The following METTL16 variants were observed in gnomAD, a reference collection of about 807,000 sequenced individuals.
The protein encoded by METTL16 is RNA N(6)-adenosine-methyltransferase METTL16.
A neutral mutation model predicts 57.9 loss-of-function variants in METTL16; 19 were observed. That is an observed-to-expected ratio of 0.33 (90% CI 0.23 to 0.48). METTL16 has a LOEUF of 0.48. Among genes scored for constraint, METTL16 ranks in the 20% least tolerant of loss-of-function variants. The pLI, the probability that METTL16 is intolerant of heterozygous loss-of-function variation, is 0.99. For synonymous variants in METTL16, 246 were observed against 255.6 expected, an observed-to-expected ratio of 0.96 and a Z score of 0.36; for missense variants, 434 against 691.5, an observed-to-expected ratio of 0.63 and a Z score of 4.18.
In METTL16 at chr17:2,419,830, G is replaced by C; in HGVS notation, c.*140C>G. On this transcript the variant is annotated 3_prime_UTR_variant, in exon 10 of 10. Coordinates refer to ENST00000263092, the MANE Select transcript of METTL16 (RefSeq NM_024086.4). Reference sequence around the variant, plus strand: ...GGGAAGGAGGCGGGGGGAGGTGGGGGACAGATTCATAGGTTTTTGTTTTCG... The same window carrying C: ...GGGAAGGAGGCGGGGGGAGGTGGGGCACAGATTCATAGGTTTTTGTTTTCG... 1 of 1,031,626 alleles carries C rather than the reference G, an allele frequency of 9.7e-7. No homozygotes were observed. The highest frequency in any genetic ancestry group is 1.5e-6 in the Non-Finnish European group (1 of 686,436). The allele number at this position is 1,031,626 out of a possible 1,614,324, so 63.9% of individuals were successfully genotyped here. A position where few individuals can be genotyped will look rare whatever the true frequency, so the allele number is the denominator to read the frequency against.
intron 2 of METTL16, among the ~76,000 whole-genome samples, chr17:2,479,503 T>C (rs1253028340): frequency 2.0e-5 from 3 of 151,886 alleles, no homozygotes; most frequent in Non-Finnish European, 2.9e-5. Flanking sequence ...AGAAAGTCAG[T>C]AGATGGGGTA....
intron 8 of METTL16, among the ~76,000 whole-genome samples, chr17:2,434,698 A>C (rs2151546990): frequency 6.6e-6 from 1 of 152,318 alleles, no homozygotes; most frequent in South Asian, 2.1e-4. Context: ...AGGAGAAGGG[A>C]GCTGGGCACT....
chr17:2,434,561 T>G (rs2066896440), intron 8 of METTL16, among the ~76,000 whole-genome samples: 1 of 152,108 alleles, frequency 6.6e-6, no homozygotes, highest in Non-Finnish European at 1.5e-5. Context: ...AATCAACACA[T>G]AATAATGATA....
intron 1 of METTL16, among the ~76,000 whole-genome samples, chr17:2,504,784 T>C (rs569900551): frequency 1.4e-4 from 22 of 152,194 alleles, no homozygotes; most frequent in South Asian, 8.3e-4. Context: ...GTTGCCCAGA[T>C]TGGTTTCCGA....
rs34249994 is a variant in METTL16, at chr17:2,426,981, G to GA, written c.889-6078dup. ...GAAACCCCATCTCTACTAAAAATAC[G>GA]AAAAAAAAAAAAAGAGCCGGGCATG... On this transcript the variant is annotated intron_variant, in intron 8 of 9. Coordinates refer to ENST00000263092, the MANE Select transcript of METTL16 (RefSeq NM_024086.4). Among the ~76,000 whole-genome samples, 55 of 142,016 alleles carry GA rather than the reference G, an allele frequency of 3.9e-4. 1 individual carries two copies. Among genetic ancestry groups the GA allele is most frequent in the Admixed American group, 5.6e-4 (8 of 14,212 alleles). 93.2% of individuals were successfully genotyped at this position (142,016 alleles called of 152,430 possible). A position where few individuals can be genotyped will look rare whatever the true frequency, so the allele number is the denominator to read the frequency against.
chr17:2,487,367 T>A (rs1459293227), intron 2 of METTL16, among the ~76,000 whole-genome samples: 1 of 152,174 alleles, frequency 6.6e-6, no homozygotes, highest in Non-Finnish European at 1.5e-5. Flanking sequence ...CTGGCACGGA[T>A]AACAGCGATG....
At chr17:2,447,639 C>T (rs1597448152) in intron 6 of METTL16, among the ~76,000 whole-genome samples, 6 of 125,170 alleles carry the variant, frequency 4.8e-5, no homozygotes, top group East Asian at 2.3e-4. Flanking sequence ...CGCCTCTGCC[C>T]GGCCGCCCCT....
chr17:2,440,833 A>T (rs1597444671), intron 7 of METTL16, among the ~76,000 whole-genome samples: 1 of 151,936 alleles, frequency 6.6e-6, no homozygotes, highest in Non-Finnish European at 1.5e-5. Context: ...TTAGCTAGGC[A>T]TGGTGCCATC....
chr17:2,474,386 GA>G (rs752477163), intron 3 of METTL16, among the ~76,000 whole-genome samples: 10,451 of 60,372 alleles, frequency 0.17, 1,092 homozygotes, highest in African/African-American at 0.38. Context: ...GAAACAAAAA[GA>G]AAAAAAAAAA....
chr17:2,493,129 CTTTT>C (rs764351584), intron 2 of METTL16, among the ~76,000 whole-genome samples: 1 of 132,876 alleles, frequency 7.5e-6, no homozygotes, highest in Non-Finnish European at 1.6e-5. Flanking sequence ...GGTGATTCTT[CTTTT>C]TTTTTTTTTT....
Position 2,473,449 on chromosome 17 carries a change from AG to A in METTL16, c.469+74del. The A allele has an allele frequency of 2.7e-6, 4 of 1,471,218 alleles. 1 individual carries two copies. The South Asian group carries it at 5.6e-5, about 21-fold the overall frequency. The allele number at this position is 1,471,218 out of a possible 1,614,324, so 91.1% of individuals were successfully genotyped here. Reference sequence around the variant, plus strand: ...ACCGAAGTCTGTGTATTAAAGAAAAAGGTAATGAAATGCGTTAAACTAAAAA... The same window carrying A: ...ACCGAAGTCTGTGTATTAAAGAAAAAGTAATGAAATGCGTTAAACTAAAAA... On this transcript the variant is annotated intron_variant, in intron 4 of 9. Coordinates refer to ENST00000263092, the MANE Select transcript of METTL16 (RefSeq NM_024086.4).
chr17:2,497,433 C>T (rs991707234), intron 2 of METTL16, among the ~76,000 whole-genome samples: 7 of 149,998 alleles, frequency 4.7e-5, no homozygotes, highest in African/African-American at 1.5e-4. Context: ...GTGCCTCAGC[C>T]TTCTGAGTAG....
chr17:2,494,720 C>T (rs1008472511), intron 2 of METTL16, among the ~76,000 whole-genome samples: 1 of 151,850 alleles, frequency 6.6e-6, no homozygotes, highest in African/African-American at 2.4e-5. Flanking sequence ...AAAAACAAGG[C>T]CGGGCGTGGT....
intron 7 of METTL16, among the ~76,000 whole-genome samples, chr17:2,438,580 C>T (rs1340024719): frequency 6.6e-6 from 1 of 152,138 alleles, no homozygotes; most frequent in Admixed American, 6.6e-5. Context: ...TGGCTCACTG[C>T]AACCTCCACC....
intron 8 of METTL16, among the ~76,000 whole-genome samples, chr17:2,423,318 CTT>C (rs2066782640): frequency 6.8e-6 from 1 of 146,312 alleles, no homozygotes; most frequent in East Asian, 2.1e-4. Flanking sequence ...AGAACCTGCT[CTT>C]GAGAAATGAA....
chr17:2,442,059 CAGA>C (rs1376185050), intron 6 of METTL16, among the ~76,000 whole-genome samples: 1 of 152,018 alleles, frequency 6.6e-6, no homozygotes, highest in African/African-American at 2.4e-5. Context: ...AAAACAAATC[CAGA>C]AGAAGGAATG....
chr17:2,436,782 C>CCTCTCAGCACTGT (rs2066911539), intron 8 of METTL16: 1 of 152,146 alleles, frequency 6.6e-6, no homozygotes, highest in African/African-American at 2.4e-5. Flanking sequence ...TCTGTCACTG[C>CCTCTCAGCACTGT]CCGGAAAATC....
At chr17:2,488,168 A>G (rs2067357580) in intron 2 of METTL16, among the ~76,000 whole-genome samples, 2 of 152,200 alleles carry the variant, frequency 1.3e-5, no homozygotes, top group Admixed American at 1.3e-4. Context: ...CCCAACAGCC[A>G]AGAGGTGAAA....
At chr17:2,491,684 G>A (rs1473427520) in intron 2 of METTL16, among the ~76,000 whole-genome samples, 1 of 151,470 alleles carries the variant, frequency 6.6e-6, no homozygotes, top group Non-Finnish European at 1.5e-5. Context: ...GACCATCCTG[G>A]CTAACACGGT....
Sources: gnomAD v4.1 joint callset for allele counts (sites outside exome capture counted in the v4.1 genomes callset) on GRCh38, gnomAD v4.1.1 for gene constraint, MANE v1.5 for transcripts, NCBI Gene and HGNC (gene_info 2026-07-23, HGNC 2026-07-21) for gene names.